The following HHLA1 variants were observed in gnomAD, a reference collection of about 807,000 sequenced individuals.
HHLA1 encodes the protein HHLA1 neighbor of OC90, also known as HERV-H LTR-associating protein 1.
Under a neutral mutation model 69.9 loss-of-function variants are expected in HHLA1, and 72 were observed. That is an observed-to-expected ratio of 1.03 (90% CI 0.85 to 1.25). The LOEUF is 1.25. Among genes scored for constraint, HHLA1 ranks in the 50% most tolerant of loss-of-function variants. The probability of loss-of-function intolerance (pLI) is 0.00; values close to 1 mark genes in which losing one functional copy is unlikely to be tolerated. For missense variants in HHLA1, 685 were observed against 642.2 expected, an observed-to-expected ratio of 1.07 and a Z score of -0.72; for synonymous variants, 252 against 233.2, an observed-to-expected ratio of 1.08 and a Z score of -0.73.
chr8:132,087,778 C>T (rs973265029), intron 9 of HHLA1, 39 bp from the exon 10 acceptor site: 2 of 1,543,080 alleles, frequency 1.3e-6, no homozygotes, highest in African/African-American at 2.7e-5. Context: ...TCTTGGGTTT[C>T]ATCTGCTGGA....
intron 15 of HHLA1, chr8:132,070,514 A>G (rs1823514669): frequency 1.6e-6 from 1 of 623,594 alleles, no homozygotes. Context: ...AACATGACAC[A>G]AGTTAACTTA....
Position 132,071,330 on chromosome 8 carries a change from G to A in HHLA1, c.1469+10C>T, listed in dbSNP as rs774476628. On this transcript the variant is annotated intron_variant, in intron 15 of 16. Transcript: ENST00000414222. ...ATTCCATGTGAAAAGAAGCCACTGGGCCAAGTTACCTCATGTCCTCTGTCC... is the reference window on the plus strand; with the variant it reads ...ATTCCATGTGAAAAGAAGCCACTGGACCAAGTTACCTCATGTCCTCTGTCC... 4 of 1,547,458 alleles carry A rather than the reference G, an allele frequency of 2.6e-6. No homozygotes were observed. The highest frequency in any genetic ancestry group is 4.9e-5 in the East Asian group (2 of 40,894).
Position 132,077,869 on chromosome 8 carries a change from G to T in HHLA1, c.1028C>A (p.Pro343His). 3 of 1,551,562 alleles carry T rather than the reference G, an allele frequency of 1.9e-6. No individual in the cohort carries two copies. The highest frequency in any genetic ancestry group is 1.7e-6 in the Non-Finnish European group (2 of 1,146,954). The stretch of plus-strand genomic sequence containing the variant: ...ACGAGTTTCCCAGAGAGACCCTCCA[G>T]GTTTTTTCTCACTGATGGTCTGAGC... ...PWAQTISEKKPGGSLWETRSS... is the reference protein window; with the variant it reads ...PWAQTISEKKHGGSLWETRSS... The change falls in exon 12 of 17, where the codon CCT (proline) becomes CAT (histidine). Residue 343 changes from proline to histidine, a missense_variant. Pro to His is a moderately conservative substitution (Grantham distance 77). Coordinates refer to ENST00000414222, the MANE Select transcript of HHLA1 (RefSeq NM_001145095.3).
At chr8:132,110,326 G>C (rs150952177) in intron 1 of HHLA1, among the ~76,000 whole-genome samples, 1,798 of 152,202 alleles carry the variant, frequency 0.012, 15 homozygotes, top group Non-Finnish European at 0.018. Context: ...CCAGAAGCCT[G>C]GGGATTCTAG....
chr8:132,086,030 A>G (rs1303927869), intron 10 of HHLA1, among the ~76,000 whole-genome samples: 3 of 152,054 alleles, frequency 2.0e-5, no homozygotes, highest in African/African-American at 7.2e-5. Flanking sequence ...AATTTGGGGG[A>G]ATAAGAAGCT....
intron 16 of HHLA1, among the ~76,000 whole-genome samples, chr8:132,064,292 T>C (rs1823401423): frequency 6.6e-6 from 1 of 152,220 alleles, no homozygotes; most frequent in Admixed American, 6.5e-5. Context: ...CCCAATGCTC[T>C]TTTCCAATAC....
intron 15 of HHLA1, among the ~76,000 whole-genome samples, chr8:132,069,488 T>C (rs1344047162): frequency 6.6e-6 from 1 of 152,220 alleles, no homozygotes; most frequent in African/African-American, 2.4e-5. Context: ...AAAAATGTAC[T>C]ATTCAGTGAA....
chr8:132,062,032 T>A lies in HHLA1; in HGVS notation c.*1963A>T, dbSNP rs574195619. The A allele has an allele frequency of 6.6e-6, 1 of 152,342 alleles. No individual in the cohort carries two copies. The highest frequency in any genetic ancestry group is 2.1e-4 in the South Asian group (1 of 4,826). The allele number at this position is 152,342 out of a possible 1,614,324, so 9.4% of individuals were successfully genotyped here. On this transcript the variant is annotated 3_prime_UTR_variant, in exon 17 of 17. Coordinates refer to ENST00000414222, the MANE Select transcript of HHLA1 (RefSeq NM_001145095.3). ...TGGGCCCAAGCCATCCATCCATTCT[T>A]CACCTTCCTTGATGATAAGTTACTC...
Position 132,096,861 on chromosome 8 carries a change from A to G in HHLA1, c.281-1075T>C, listed in dbSNP as rs367924109. 5.9e-5 allele frequency among the ~76,000 whole-genome samples: 9 copies of G among 152,104 alleles called. 1 individual carries two copies. The East Asian group carries it at 1.5e-3, about 26-fold the overall frequency. On this transcript the variant is annotated intron_variant, in intron 5 of 16. Transcript: ENST00000414222. The stretch of plus-strand genomic sequence containing the variant: ...GTCTTGCTCTGTCACTCAGGCTGGA[A>G]TGCAATCGTGCAGTCACAGCTCACT...
At chr8:132,075,953 T>C (rs952974427) in intron 14 of HHLA1, 102 bp downstream of exon 14, 2 of 832,512 alleles carry the variant, frequency 2.4e-6, no homozygotes, top group African/African-American at 1.7e-5. Flanking sequence ...ATCCCATGAG[T>C]CTGATTTTCT....
intron 15 of HHLA1, among the ~76,000 whole-genome samples, chr8:132,067,775 C>G (rs1200412504): frequency 1.3e-5 from 2 of 152,180 alleles, no homozygotes; most frequent in Non-Finnish European, 2.9e-5. Context: ...GAATGGTGCT[C>G]CTGGAGTTGT....
rs549828841 is a variant in HHLA1 at position 132,098,912 on chromosome 8, C to T, written c.250G>A (p.Val84Met). 2 of 1,551,362 alleles carry T rather than the reference C, an allele frequency of 1.3e-6. No individual in the cohort carries two copies. Among genetic ancestry groups the T allele is most frequent in the South Asian group, 2.4e-5 (2 of 84,036 alleles). Reference protein sequence around the residue: ...DLSALNLTELVNGMLSRALKD... With the variant: ...DLSALNLTELMNGMLSRALKD... ...AACGCTCTACTGAGCATCCCATTCA[C>T]AAGCTCTGTCAGGTTAAGCGCGGAC... is the stretch of plus-strand genomic sequence containing the variant. The change falls in exon 5 of 17, where the codon GTG becomes ATG. Residue 84 changes from valine (V) to methionine (M), a missense_variant. Physicochemically the swap from Val to Met is conservative, Grantham distance 21. Transcript: ENST00000414222.
intron 14 of HHLA1, 84 bp downstream of exon 14, chr8:132,075,971 C>A: frequency 9.7e-7 from 1 of 1,028,010 alleles, no homozygotes. Context: ...TCTAAATTTA[C>A]CGAACAAACC....
chr8:132,099,960 T>C, intron 4 of HHLA1, 115 bp downstream of exon 4: 1 of 730,778 alleles, frequency 1.4e-6, no homozygotes, highest in South Asian at 1.6e-5. Flanking sequence ...AATGATCAGA[T>C]AATGATTAAA....
chr8:132,072,618 C>A (rs942303815), intron 14 of HHLA1, among the ~76,000 whole-genome samples: 20 of 151,980 alleles, frequency 1.3e-4, no homozygotes, highest in Non-Finnish European at 2.6e-4. Context: ...CTAATCACTA[C>A]CAGGAAAAAT....
At chr8:132,106,839 G>T (rs556897561) in intron 1 of HHLA1, among the ~76,000 whole-genome samples, 9 of 152,314 alleles carry the variant, frequency 5.9e-5, no homozygotes, top group African/African-American at 2.2e-4. Flanking sequence ...TCCAGCAAAG[G>T]GTGACTGGGG....
intron 7 of HHLA1, among the ~76,000 whole-genome samples, chr8:132,090,758 T>C (rs866561612): frequency 0.71 from 63,323 of 89,766 alleles, 20,875 homozygotes; most frequent in Non-Finnish European, 0.8. Flanking sequence ...TCTCTCTCTT[T>C]TTTTTTTTTT....
In HHLA1 at chr8:132,073,909, T is replaced by C. The variant is rs547715778; in HGVS notation, c.1315+2146A>G. Among the ~76,000 whole-genome samples, 7 of 152,314 alleles carry C rather than the reference T, an allele frequency of 4.6e-5. No individual in the cohort carries two copies. The South Asian group carries it at 1.5e-3, about 32-fold the overall frequency. ...TTTCCAGTCACCATCACCACTGGCA[T>C]CATTAGCACAACAGTCACCTCGCAA... On this transcript the variant is annotated intron_variant, in intron 14 of 16. Transcript: ENST00000414222.
chr8:132,101,235 T>C (rs549416918), intron 3 of HHLA1: 1 of 1,550,486 alleles, frequency 6.4e-7, no homozygotes. Context: ...CCCGGGAATG[T>C]CCCATCTTTT....
Sources: allele counts gnomAD v4.1 joint callset (sites outside exome capture counted in the v4.1 genomes callset), GRCh38; gene constraint gnomAD v4.1.1; transcripts MANE v1.5; gene names NCBI Gene and HGNC (gene_info 2026-07-23, HGNC 2026-07-21).